The following SMURF2 variants were observed in gnomAD, a reference collection of about 807,000 sequenced individuals.
SMURF2 encodes the protein E3 ubiquitin-protein ligase SMURF2.
A neutral mutation model predicts 109.6 loss-of-function variants in SMURF2; 48 were observed. The ratio of observed to expected loss-of-function variants is 0.44; its 90% CI spans 0.35 to 0.56. SMURF2 has a LOEUF of 0.56. SMURF2 is among the 20% of genes least tolerant of loss of function. SMURF2 has a pLI of 0.01. For synonymous variants in SMURF2, 288 were observed against 317.1 expected, an observed-to-expected ratio of 0.91 and a Z score of 0.97; for missense variants, 575 against 909.0, an observed-to-expected ratio of 0.63 and a Z score of 4.72.
chr17:64,575,157 CTATT>C (rs1191295922), intron 9 of SMURF2, among the ~76,000 whole-genome samples: 1 of 145,848 alleles, frequency 6.9e-6, no homozygotes, highest in East Asian at 2.0e-4. Context: ...TACTTTTTAT[CTATT>C]TATTTTTTTA....
At chr17:64,601,553 T>G (rs1598289890) in intron 2 of SMURF2, among the ~76,000 whole-genome samples, 1 of 151,988 alleles carries the variant, frequency 6.6e-6, no homozygotes, top group Admixed American at 6.6e-5. Flanking sequence ...AAATAACAGA[T>G]GTTGGCATGG....
At chr17:64,574,015 A>C (rs782282493) in intron 9 of SMURF2, among the ~76,000 whole-genome samples, 1 of 152,224 alleles carries the variant, frequency 6.6e-6, no homozygotes, top group Non-Finnish European at 1.5e-5. Context: ...ATCAGCAAAA[A>C]TAACGAATGG....
At chr17:64,550,868 T>A (rs1191763874) in intron 16 of SMURF2, among the ~76,000 whole-genome samples, 2 of 152,104 alleles carry the variant, frequency 1.3e-5, no homozygotes, top group Non-Finnish European at 2.9e-5. Context: ...AAGCTTAGTG[T>A]AAAACTAATT....
At chr17:64,621,526 G>A (rs1324713654) in intron 1 of SMURF2, among the ~76,000 whole-genome samples, 1 of 151,490 alleles carries the variant, frequency 6.6e-6, no homozygotes, top group Non-Finnish European at 1.5e-5. Flanking sequence ...GTTGCTGTGA[G>A]CCGAGATCAT....
chr17:64,632,284 A>G (rs1434629279), intron 1 of SMURF2, among the ~76,000 whole-genome samples: 1 of 152,090 alleles, frequency 6.6e-6, no homozygotes, highest in Non-Finnish European at 1.5e-5. Flanking sequence ...GGAGGAAGCA[A>G]AGCTAAATTT....
intron 15 of SMURF2, among the ~76,000 whole-genome samples, chr17:64,552,110 T>C (rs1243260443): frequency 6.6e-6 from 1 of 152,216 alleles, no homozygotes; most frequent in Non-Finnish European, 1.5e-5. Flanking sequence ...TTTGAATGTG[T>C]TGGGTGTTTT....
chr17:64,560,147 C>A (rs1555684406), intron 12 of SMURF2, among the ~76,000 whole-genome samples: 1 of 151,336 alleles, frequency 6.6e-6, no homozygotes, highest in East Asian at 2.0e-4. Context: ...CCTAGGAGTT[C>A]GAAGCTGCAG....
intron 1 of SMURF2, among the ~76,000 whole-genome samples, chr17:64,652,250 A>G (rs1291572084): frequency 6.6e-6 from 1 of 152,242 alleles, no homozygotes; most frequent in Non-Finnish European, 1.5e-5. Flanking sequence ...CGTAATAAAA[A>G]TAATATCTGT....
intron 1 of SMURF2, among the ~76,000 whole-genome samples, chr17:64,639,570 C>G (rs1555692415): frequency 6.6e-6 from 1 of 151,488 alleles, no homozygotes; most frequent in Admixed American, 6.6e-5. Flanking sequence ...GAGCGAGACT[C>G]TGACTCAAAA....
intron 9 of SMURF2, chr17:64,573,221 G>GGGA (rs1568179479): frequency 4.5e-5 from 1 of 22,330 alleles, no homozygotes; most frequent in African/African-American, 3.8e-4. Context: ...GGAGGAGGAG[G>GGGA]GGAGGAGGAG....
intron 2 of SMURF2, among the ~76,000 whole-genome samples, chr17:64,601,512 C>T (rs1969895531): frequency 6.6e-6 from 1 of 152,194 alleles, no homozygotes; most frequent in Admixed American, 6.5e-5. Flanking sequence ...CACCTCACTC[C>T]TGCAAGAATG....
chr17:64,598,316 A>G, intron 3 of SMURF2, 66 bp downstream of exon 3: 1 of 1,320,724 alleles, frequency 7.6e-7, no homozygotes, highest in Non-Finnish European at 1.0e-6. Flanking sequence ...TCCCATGATT[A>G]TTTTCAAAGA....
intron 4 of SMURF2, 46 bp downstream of exon 4, chr17:64,593,394 C>G: frequency 6.4e-7 from 1 of 1,565,782 alleles, no homozygotes; most frequent in South Asian, 1.2e-5. Flanking sequence ...TATACACACA[C>G]ACACATATAT....
chr17:64,545,419 T>C lies in SMURF2; in HGVS notation c.*429A>G, dbSNP rs1474321147. 6.5e-6 allele frequency: 1 copy of C among 154,072 alleles called. No homozygotes were observed. Among genetic ancestry groups the C allele is most frequent in the Non-Finnish European group, 1.4e-5 (1 of 69,030 alleles). The allele number at this position is 154,072 out of a possible 1,614,324, so 9.5% of individuals were successfully genotyped here. On this transcript the variant is annotated 3_prime_UTR_variant, in exon 19 of 19. Transcript: ENST00000262435. ...CAAGTACAGGAGCTGTTCAAGATCA[T>C]GTATTCAATCAAAATGAAATGTGAC...
rs1555683597 is a variant in SMURF2, at chr17:64,551,476, T to C, written c.1869+108A>G. 4.8e-6 allele frequency: 6 copies of C among 1,252,290 alleles called. No individual in the cohort carries two copies. The Admixed American group carries it at 1.0e-4, about 21-fold the overall frequency. The allele number at this position is 1,252,290 out of a possible 1,614,324, so 77.6% of individuals were successfully genotyped here. A position where few individuals can be genotyped will look rare whatever the true frequency, so the allele number is the denominator to read the frequency against. On this transcript the variant is annotated intron_variant, in intron 16 of 18. Coordinates refer to ENST00000262435, the MANE Select transcript of SMURF2 (RefSeq NM_022739.4). ...ATAAGAATTCTCAAGCATAGAACCATGAAACTTAGAAAGCACCAGAAATAT... is the reference window on the plus strand; with the variant it reads ...ATAAGAATTCTCAAGCATAGAACCACGAAACTTAGAAAGCACCAGAAATAT...
chr17:64,657,002 A>G (rs1436005263), intron 1 of SMURF2, among the ~76,000 whole-genome samples: 1 of 152,294 alleles, frequency 6.6e-6, no homozygotes, highest in East Asian at 1.9e-4. Context: ...CTCATACCCA[A>G]TGCATTAGCC....
In SMURF2 at chr17:64,581,962, A is replaced by C. The variant is rs1555686596; in HGVS notation, c.570-971T>G. On this transcript the variant is annotated intron_variant, in intron 7 of 18. Coordinates refer to ENST00000262435, the MANE Select transcript of SMURF2 (RefSeq NM_022739.4). This position sits in a 1 kb window ranked among gnomAD's most constrained non-coding sequence, Gnocchi z 4.3. ...GGCAATAGAGCGGGACTCCATCTCC[A>C]AAAAAAAAAAAAAATTAACATTTAA... Among the ~76,000 whole-genome samples, 2 of 126,234 alleles carry C rather than the reference A, an allele frequency of 1.6e-5. No individual in the cohort carries two copies. The highest frequency in any genetic ancestry group is 9.5e-5 in the Admixed American group (1 of 10,496). 82.8% of individuals were successfully genotyped at this position (126,234 alleles called of 152,430 possible).
At chr17:64,649,758 T>C (rs1331826001) in intron 1 of SMURF2, among the ~76,000 whole-genome samples, 1 of 152,092 alleles carries the variant, frequency 6.6e-6, no homozygotes, top group Non-Finnish European at 1.5e-5. Flanking sequence ...GTGGGAGAAC[T>C]GCTTAAGCCA....
chr17:64,610,977 C>A (rs184269638), intron 1 of SMURF2, among the ~76,000 whole-genome samples: 1 of 152,262 alleles, frequency 6.6e-6, no homozygotes, highest in Non-Finnish European at 1.5e-5. Flanking sequence ...CTGACTACTC[C>A]CTCTTCTAGA....
Sources: gnomAD v4.1 joint callset for allele counts (sites outside exome capture counted in the v4.1 genomes callset) on GRCh38, gnomAD v4.1.1 for gene constraint, Gnocchi (gnomAD v3.1) non-coding constraint, MANE v1.5 for transcripts, NCBI Gene and HGNC (gene_info 2026-07-23, HGNC 2026-07-21) for gene names.